Variants in PRDM10 observed in about 807,000 individuals in gnomAD.
PRDM10 encodes the protein PR domain zinc finger protein 10.
A neutral mutation model predicts 133.1 loss-of-function variants in PRDM10; 65 were observed. The ratio of observed to expected loss-of-function variants is 0.49; its 90% confidence interval spans 0.40 to 0.60. The LOEUF (loss-of-function observed/expected upper bound fraction) is 0.60. Ranked by LOEUF, PRDM10 falls within the 20% of genes least tolerant of loss-of-function variation. The probability of loss-of-function intolerance (pLI) is 0.00; values close to 1 mark genes in which losing one functional copy is unlikely to be tolerated. For synonymous variants in PRDM10, 582 were observed against 580.4 expected (o/e 1.00, Z -0.04); for missense variants, 1,137 against 1,507.1 (o/e 0.75, Z 4.07).
Position 129,925,105 on chromosome 11 carries a change from C to T in PRDM10, c.1655G>A (p.Gly552Glu). 6.2e-7 allele frequency: 1 copy of T among 1,614,194 alleles called. No individual in the cohort carries two copies. The highest frequency in any genetic ancestry group is 8.5e-7 in the Non-Finnish European group (1 of 1,180,038). The part of the protein sequence containing the change: ...DQHLRFHGRE[G>E]NCPLTCDLCN... ...GAGATCACAGGTCAGTGGGCAGTTC[C>T]CCTCCCGCCCATGGAAGCGTAAGTG... The change falls in exon 12 of 21, where the codon GGG (glycine) becomes GAG (glutamate). Residue 552 changes from glycine to glutamate, a missense_variant. This residue lies in a region of PRDM10 where 635 missense variants were observed against 835.2 expected (regional missense o/e 0.76). Coordinates refer to ENST00000360871, the MANE Select transcript of PRDM10 (RefSeq NM_199437.2).
At chr11:129,998,635 G>A (rs1441217242) in intron 1 of PRDM10, among the ~76,000 whole-genome samples, 2 of 151,852 alleles carry the variant, frequency 1.3e-5, no homozygotes, top group Non-Finnish European at 2.9e-5. Context: ...TTCCTCACCC[G>A]CTCCCCATTC....
intron 11 of PRDM10, among the ~76,000 whole-genome samples, chr11:129,926,850 T>C (rs1196364753): frequency 6.6e-6 from 1 of 152,210 alleles, no homozygotes; most frequent in African/African-American, 2.4e-5. Context: ...ATATATTTCA[T>C]ATGAAACTCA....
chr11:129,910,746 A>T, intron 18 of PRDM10, 90 bp from the exon 19 acceptor site: 1 of 1,150,338 alleles, frequency 8.7e-7, no homozygotes, highest in South Asian at 1.8e-5. Flanking sequence ...CACCAGACTC[A>T]TATGAATTAT....
chr11:129,930,672 G>A (rs1356463889), intron 11 of PRDM10, among the ~76,000 whole-genome samples: 1 of 152,124 alleles, frequency 6.6e-6, no homozygotes, highest in Non-Finnish European at 1.5e-5. Context: ...AAATTAGCCT[G>A]GTTTAAAATA....
intron 1 of PRDM10, among the ~76,000 whole-genome samples, chr11:129,970,855 T>C (rs898908179): frequency 3.3e-5 from 5 of 152,144 alleles, no homozygotes; most frequent in African/African-American, 1.2e-4. Flanking sequence ...CCCCCTTCTT[T>C]TTTAAGTGTT....
At chr11:129,981,279 A>G (rs905065861) in intron 1 of PRDM10, among the ~76,000 whole-genome samples, 3 of 152,120 alleles carry the variant, frequency 2.0e-5, no homozygotes, top group Non-Finnish European at 2.9e-5. Context: ...AAAAATTCTG[A>G]CAGTACAGAA....
chr11:129,977,026 T>C (rs1227105452), intron 1 of PRDM10, among the ~76,000 whole-genome samples: 1 of 152,044 alleles, frequency 6.6e-6, no homozygotes, highest in Non-Finnish European at 1.5e-5. Context: ...CCAGATGCTG[T>C]TTCACGTGCC....
At position 129,961,007 on chromosome 11, in the gene PRDM10, A is replaced by G. The variant is rs1334597819; in HGVS notation, c.-43T>C. The G allele has an allele frequency of 6.3e-7, 1 of 1,588,874 alleles. No individual in the cohort carries two copies. The highest frequency in any genetic ancestry group is 1.1e-5 in the South Asian group (1 of 90,532). ...GCTCCACGTCTGGCACACCTAGAGC[A>G]GCACAGGGTACAGGACAGTCATCTG... On this transcript the variant is annotated 5_prime_UTR_variant, in exon 2 of 21. Coordinates refer to ENST00000360871, the MANE Select transcript of PRDM10 (RefSeq NM_199437.2).
intron 1 of PRDM10, among the ~76,000 whole-genome samples, chr11:129,974,715 A>C (rs1475046732): frequency 6.6e-6 from 1 of 152,216 alleles, no homozygotes; most frequent in Non-Finnish European, 1.5e-5. Context: ...CAGACGCCTG[A>C]AGACACGAAC....
At chr11:129,920,357 C>T (rs149906338) in intron 13 of PRDM10, among the ~76,000 whole-genome samples, 6 of 152,232 alleles carry the variant, frequency 3.9e-5, no homozygotes, top group East Asian at 1.9e-4. Context: ...TTGGTATCAG[C>T]GGTGTTCCCA....
chr11:129,904,661 A>C (rs1048221117), intron 20 of PRDM10, among the ~76,000 whole-genome samples: 28 of 152,226 alleles, frequency 1.8e-4, no homozygotes, highest in African/African-American at 6.5e-4. Context: ...CACCACACCC[A>C]GCTAATTTTT....
chr11:129,971,818 C>A (rs924559713), intron 1 of PRDM10, among the ~76,000 whole-genome samples: 1 of 152,262 alleles, frequency 6.6e-6, no homozygotes, highest in Non-Finnish European at 1.5e-5. Context: ...CTGCCAGTCC[C>A]GTGCCGTGCG....
At chr11:129,957,395 T>C (rs553037285) in intron 3 of PRDM10, among the ~76,000 whole-genome samples, 2 of 152,278 alleles carry the variant, frequency 1.3e-5, no homozygotes, top group South Asian at 2.1e-4. Flanking sequence ...CTCGGCTCAC[T>C]GCAACCTCCG....
intron 5 of PRDM10, among the ~76,000 whole-genome samples, chr11:129,946,082 CA>C (rs34028832): frequency 8.6e-4 from 121 of 141,484 alleles, no homozygotes; most frequent in East Asian, 3.5e-3. Context: ...ACTAAAAATA[CA>C]AAAAAAAAAA....
chr11:129,966,604 G>C (rs887034370), intron 1 of PRDM10, among the ~76,000 whole-genome samples: 3 of 152,174 alleles, frequency 2.0e-5, no homozygotes, highest in African/African-American at 7.2e-5. Flanking sequence ...AATTTTATTA[G>C]AGAAGCAAAT....
chr11:129,930,888 C>A, intron 11 of PRDM10, 128 bp downstream of exon 11: 1 of 1,338,056 alleles, frequency 7.5e-7, no homozygotes, highest in Non-Finnish European at 1.0e-6. Context: ...ATAAGGGGAT[C>A]GAGCATGTGA....
chr11:129,927,506 G>A (rs1565468112), intron 11 of PRDM10, among the ~76,000 whole-genome samples: 1 of 152,012 alleles, frequency 6.6e-6, no homozygotes. Context: ...CACTGAGGAT[G>A]CCATTTCTCC....
rs1295789266 is a variant in PRDM10, at chr11:129,918,753, A to G, written c.2035-35T>C. ...GAGTATTTTTGAAAACGGGGTAGAC[A>G]CGGGGGTAGAAAATTTTTAACTGAA... On this transcript the variant is annotated intron_variant, in intron 13 of 20. Coordinates refer to ENST00000360871, the MANE Select transcript of PRDM10 (RefSeq NM_199437.2). The surrounding 1 kb of genome is among the most constrained non-coding windows in gnomAD (Gnocchi z 5.3). The G allele has an allele frequency of 2.6e-6, 4 of 1,549,366 alleles. No homozygotes were observed. In the South Asian group the frequency reaches 4.7e-5, roughly 18 times the overall value.
In PRDM10 at chr11:129,915,678, G is replaced by A. The variant is rs147787310; in HGVS notation, c.2508C>T (p.Ser836=). The change falls in exon 16 of 21, where the codon TCC becomes TCT. Residue 836 remains serine, a synonymous_variant. Transcript: ENST00000360871. ...CCCCTACCTTGCTGCTGTACTGCTTGGAGCAGTGGGGACAGCAGACGGGAG... is the reference window on the plus strand; with the variant it reads ...CCCCTACCTTGCTGCTGTACTGCTTAGAGCAGTGGGGACAGCAGACGGGAG... The part of the protein sequence containing the change: ...ATPPVCCPHC[S]KQYSSKTKMV... The A allele has an allele frequency of 6.2e-6, 10 of 1,610,424 alleles. No individual in the cohort carries two copies. The African/African-American group carries it at 1.2e-4, about 19-fold the overall frequency.
Sources: allele counts gnomAD v4.1 joint callset (sites outside exome capture counted in the v4.1 genomes callset), GRCh38; gene constraint gnomAD v4.1.1; regional missense constraint gnomAD v4.1.1; non-coding constraint Gnocchi (gnomAD v3.1); transcripts MANE v1.5; gene names NCBI Gene and HGNC (gene_info 2026-07-23, HGNC 2026-07-21).